KHDRBS2: variants seen among roughly 807,000 people sequenced by gnomAD.
KHDRBS2 encodes KH RNA binding domain containing, signal transduction associated 2.
In KHDRBS2, 26 loss-of-function variants were observed where a neutral mutation model predicts 44.3. That is an observed-to-expected ratio of 0.59 (90% CI 0.43 to 0.81). The LOEUF (loss-of-function observed/expected upper bound fraction) is 0.81, where lower values mean the gene tolerates loss of function less well. Among genes scored for constraint, KHDRBS2 ranks in the 40% least tolerant of loss-of-function variants. KHDRBS2 has a pLI of 0.00. For missense variants in KHDRBS2, 476 were observed against 433.1 expected (o/e 1.10, Z -0.88); for synonymous variants, 194 against 151.1 (o/e 1.28, Z -2.08).
chr6:61,569,621 G>A, the KHDRBS2 span, among the ~76,000 whole-genome samples: 1 of 152,126 alleles, frequency 6.6e-6, no homozygotes, highest in Non-Finnish European at 1.5e-5. Context: ...AGCATTCAAG[G>A]AAGCCAGCAC....
At chr6:62,271,607 C>G (rs954114785) in intron 1 of KHDRBS2, among the ~76,000 whole-genome samples, 4 of 151,874 alleles carry the variant, frequency 2.6e-5, no homozygotes, top group African/African-American at 7.3e-5. Flanking sequence ...TGTTATTGCC[C>G]CTGAAGACCT....
chr6:62,119,574 G>A (rs907076371), intron 2 of KHDRBS2, among the ~76,000 whole-genome samples: 2 of 152,140 alleles, frequency 1.3e-5, no homozygotes, highest in African/African-American at 2.4e-5. Flanking sequence ...TAAAGTAAGG[G>A]CAATGATTGG....
At chr6:62,228,937 G>C (rs974682982) in intron 1 of KHDRBS2, among the ~76,000 whole-genome samples, 3 of 152,134 alleles carry the variant, frequency 2.0e-5, no homozygotes, top group Non-Finnish European at 2.9e-5. Context: ...GAACATTCCT[G>C]TATAGGGTAT....
the KHDRBS2 span, among the ~76,000 whole-genome samples, chr6:61,660,886 A>G: frequency 7.9e-5 from 12 of 151,998 alleles, no homozygotes; most frequent in African/African-American, 2.6e-4. Flanking sequence ...TTCTCCACAG[A>G]AACTTTTTGT....
chr6:61,545,481 A>G, the KHDRBS2 span, among the ~76,000 whole-genome samples: 1 of 144,640 alleles, frequency 6.9e-6, no homozygotes, highest in African/African-American at 2.6e-5. Context: ...GCTCATACGT[A>G]AAATATTTTT....
chr6:62,273,946 T>G (rs1840498135), intron 1 of KHDRBS2, among the ~76,000 whole-genome samples: 1 of 152,086 alleles, frequency 6.6e-6, no homozygotes. Flanking sequence ...TTCTTTTATT[T>G]TTTATTTTTT....
chr6:62,123,409 T>C (rs1430130908), intron 2 of KHDRBS2, among the ~76,000 whole-genome samples: 2 of 152,226 alleles, frequency 1.3e-5, no homozygotes, highest in South Asian at 2.1e-4. Context: ...TTTGGGTATA[T>C]ACCCAGTAAT....
At chr6:61,701,880 G>A (rs1340807578) in intron 7 of KHDRBS2, among the ~76,000 whole-genome samples, 2 of 151,910 alleles carry the variant, frequency 1.3e-5, no homozygotes, top group East Asian at 1.9e-4. Context: ...TGGGGTAGAA[G>A]GTTGAGAATA....
At chr6:61,953,132 T>C (rs1431499566) in intron 4 of KHDRBS2, among the ~76,000 whole-genome samples, 1 of 152,036 alleles carries the variant, frequency 6.6e-6, no homozygotes, top group Non-Finnish European at 1.5e-5. Flanking sequence ...TATAATGAAA[T>C]CTTATATTTA....
intron 1 of KHDRBS2, among the ~76,000 whole-genome samples, chr6:62,196,139 A>G (rs940923666): frequency 2.0e-5 from 3 of 152,172 alleles, no homozygotes; most frequent in African/African-American, 7.2e-5. Context: ...ATTTTAGAAA[A>G]CAGAATTTGA....
intron 1 of KHDRBS2, among the ~76,000 whole-genome samples, chr6:62,219,784 A>AT (rs1280271240): frequency 6.7e-6 from 1 of 148,266 alleles, no homozygotes; most frequent in African/African-American, 2.4e-5. Context: ...TTATATATAT[A>AT]TTTTTATTTA....
chr6:62,004,381 G>A (rs189134398), intron 3 of KHDRBS2, among the ~76,000 whole-genome samples: 14 of 152,160 alleles, frequency 9.2e-5, no homozygotes, highest in South Asian at 2.1e-4. Context: ...ACACCTCTTC[G>A]CAAATAAGCT....
At chr6:62,205,363 G>A (rs1298959280) in intron 1 of KHDRBS2, among the ~76,000 whole-genome samples, 1 of 152,044 alleles carries the variant, frequency 6.6e-6, no homozygotes, top group Non-Finnish European at 1.5e-5. Flanking sequence ...ATGGTTAAGG[G>A]ACCCAGAAAT....
At chr6:62,116,543 G>A (rs1223653844) in intron 2 of KHDRBS2, among the ~76,000 whole-genome samples, 2 of 152,108 alleles carry the variant, frequency 1.3e-5, no homozygotes, top group African/African-American at 4.8e-5. Flanking sequence ...TGTATATAAT[G>A]TGTAATGATC....
intron 4 of KHDRBS2, among the ~76,000 whole-genome samples, chr6:61,959,648 T>C (rs1016827917): frequency 1.3e-5 from 2 of 152,128 alleles, no homozygotes; most frequent in African/African-American, 2.4e-5. Flanking sequence ...AAGAATAGAA[T>C]ATAAAATGCA....
intron 7 of KHDRBS2, among the ~76,000 whole-genome samples, chr6:61,708,592 T>C (rs1769970986): frequency 6.6e-6 from 1 of 151,634 alleles, no homozygotes; most frequent in South Asian, 2.1e-4. Flanking sequence ...CAATGAATAA[T>C]GTTACATGGA....
chr6:61,634,984 A>G, the KHDRBS2 span, among the ~76,000 whole-genome samples: 4 of 152,002 alleles, frequency 2.6e-5, no homozygotes, highest in Non-Finnish European at 5.9e-5. Flanking sequence ...ATTTTCCAAC[A>G]TGGGTAATTT....
chr6:61,922,608 G>A (rs1808267033), intron 4 of KHDRBS2, among the ~76,000 whole-genome samples: 1 of 152,058 alleles, frequency 6.6e-6, no homozygotes, highest in African/African-American at 2.4e-5. Context: ...ACCAGGAGTG[G>A]AGGAGGACCA....
intron 6 of KHDRBS2, among the ~76,000 whole-genome samples, chr6:61,848,581 A>ATATG (rs1562295798): frequency 9.5e-6 from 1 of 105,026 alleles, no homozygotes; most frequent in East Asian, 2.4e-4. Flanking sequence ...ATATACATAT[A>ATATG]TATATATATA....
Sources: allele counts gnomAD v4.1 joint callset (sites outside exome capture counted in the v4.1 genomes callset), GRCh38; gene constraint gnomAD v4.1.1; transcripts MANE v1.5; gene names NCBI Gene and HGNC (gene_info 2026-07-23, HGNC 2026-07-21).